Variants in CTNND2 observed in about 807,000 individuals in gnomAD.
CTNND2 encodes the protein catenin delta 2.
In CTNND2, 22 loss-of-function variants were observed where a neutral mutation model predicts 144.4. That is an observed-to-expected ratio of 0.15 (90% CI 0.11 to 0.22). The LOEUF (loss-of-function observed/expected upper bound fraction) is 0.22, where lower values mean the gene tolerates loss of function less well. Ranked by LOEUF, CTNND2 falls within the 10% of genes least tolerant of loss-of-function variation. CTNND2 has a pLI of 1.00. For missense variants in CTNND2, 1,353 were observed against 1,618.8 expected (o/e 0.84, Z 2.82); for synonymous variants, 751 against 695.6 (o/e 1.08, Z -1.25).
intron 3 of CTNND2, among the ~76,000 whole-genome samples, 193 bp downstream of exon 3, chr5:11,564,751 T>G (rs1776940254): frequency 6.6e-6 from 1 of 152,276 alleles, no homozygotes; most frequent in Non-Finnish European, 1.5e-5. Flanking sequence ...TTAATTTTGT[T>G]AAAAGAGTTT....
At chr5:11,558,022 G>A (rs190194893) in intron 3 of CTNND2, among the ~76,000 whole-genome samples, 129 of 152,198 alleles carry the variant, frequency 8.5e-4, no homozygotes, top group African/African-American at 2.9e-3. Context: ...AAAAGACAGA[G>A]GAATTATTTC....
At chr5:11,450,898 CAAAAA>C in intron 3 of CTNND2, among the ~76,000 whole-genome samples, 1 of 81,492 alleles carries the variant, frequency 1.2e-5, no homozygotes, top group African/African-American at 5.2e-5. Flanking sequence ...AACTCCATCT[CAAAAA>C]AAAAAAAAAA....
Position 11,016,778 on chromosome 5 carries a change from T to TA in CTNND2, c.3084+1195_3084+1196insT, listed in dbSNP as rs1438072964. On this transcript the variant is annotated intron_variant, in intron 18 of 21. Transcript: ENST00000304623. ...GGTGATGTCCTCTATCCCCTATATA[T>TA]TTTTTTTTTTGAGATGGAGTCTCGC... Among the ~76,000 whole-genome samples the TA allele has an allele frequency of 5.9e-4, 85 of 145,118 alleles. 1 individual carries two copies. The highest frequency in any genetic ancestry group is 5.0e-4 in the African/African-American group (19 of 37,948).
chr5:11,808,289 G>A (rs1792122460), intron 1 of CTNND2, among the ~76,000 whole-genome samples: 1 of 152,088 alleles, frequency 6.6e-6, no homozygotes, highest in South Asian at 2.1e-4. Context: ...TGCAGATGAC[G>A]GTCGAGGAGC....
At chr5:11,492,333 G>A (rs1009124020) in intron 3 of CTNND2, among the ~76,000 whole-genome samples, 1 of 152,158 alleles carries the variant, frequency 6.6e-6, no homozygotes, top group Non-Finnish European at 1.5e-5. Context: ...TTCATTTCCT[G>A]AGGTCTTGGT....
At chr5:11,367,342 A>T (rs980910693) in intron 7 of CTNND2, among the ~76,000 whole-genome samples, 1 of 152,202 alleles carries the variant, frequency 6.6e-6, no homozygotes, top group Non-Finnish European at 1.5e-5. Flanking sequence ...GCTGGAATTC[A>T]TGTGTTCAAC....
intron 6 of CTNND2, among the ~76,000 whole-genome samples, chr5:11,387,602 C>T (rs900743113): frequency 1.3e-5 from 2 of 152,046 alleles, no homozygotes; most frequent in Non-Finnish European, 2.9e-5. Context: ...GAAAAGCATC[C>T]GACAAAAATT....
At chr5:10,975,216 A>T (rs1274316159) in intron 21 of CTNND2, among the ~76,000 whole-genome samples, 1 of 151,924 alleles carries the variant, frequency 6.6e-6, no homozygotes, top group Non-Finnish European at 1.5e-5. Context: ...GTGCTGCTGA[A>T]CTCCACTCCA....
intron 1 of CTNND2, among the ~76,000 whole-genome samples, chr5:11,737,375 T>C (rs992112892): frequency 1.2e-4 from 18 of 152,192 alleles, no homozygotes; most frequent in African/African-American, 4.1e-4. Context: ...TTGAAGTGGT[T>C]ACCATGTAAG....
chr5:11,375,894 C>G (rs1242261714), intron 7 of CTNND2, among the ~76,000 whole-genome samples: 4 of 152,160 alleles, frequency 2.6e-5, no homozygotes, highest in Admixed American at 2.0e-4. Context: ...GAACTGACTA[C>G]TAGGGTCTAA....
At chr5:11,659,978 T>C (rs920232902) in intron 2 of CTNND2, among the ~76,000 whole-genome samples, 2 of 152,176 alleles carry the variant, frequency 1.3e-5, no homozygotes, top group African/African-American at 4.8e-5. Flanking sequence ...GAATATTGGA[T>C]ACTTATCCTG....
rs561982792 is a variant in CTNND2 at position 11,540,838 on chromosome 5, G to A, written c.287+24106C>T. ...ATCCACCTGATAATGGAAATAATAA[G>A]GGTTTATACTTACCTCTAGTATGAG... On this transcript the variant is annotated intron_variant, in intron 3 of 21. Coordinates refer to ENST00000304623, the MANE Select transcript of CTNND2 (RefSeq NM_001332.4). 1.1e-3 allele frequency among the ~76,000 whole-genome samples: 165 copies of A among 152,234 alleles called. 2 individuals are homozygous for A. In the South Asian group the frequency reaches 0.024, roughly 22 times the overall value.
At chr5:11,230,424 T>C (rs985821799) in intron 10 of CTNND2, among the ~76,000 whole-genome samples, 3 of 152,144 alleles carry the variant, frequency 2.0e-5, no homozygotes, top group Non-Finnish European at 4.4e-5. Flanking sequence ...AAGATGCTTA[T>C]AGTCCATACA....
chr5:11,561,745 T>C (rs1380356692), intron 3 of CTNND2, among the ~76,000 whole-genome samples: 1 of 152,170 alleles, frequency 6.6e-6, no homozygotes, highest in Non-Finnish European at 1.5e-5. Flanking sequence ...TGTGACTACC[T>C]GAAAAGAGAT....
At chr5:11,657,904 T>C (rs926618765) in intron 2 of CTNND2, among the ~76,000 whole-genome samples, 2 of 152,126 alleles carry the variant, frequency 1.3e-5, no homozygotes, top group Non-Finnish European at 2.9e-5. Context: ...CAATGCTTCA[T>C]ATTTTGAATG....
At chr5:11,160,286 G>A (rs1036409157) in intron 11 of CTNND2, among the ~76,000 whole-genome samples, 1 of 152,172 alleles carries the variant, frequency 6.6e-6, no homozygotes. Context: ...AATTTAAACT[G>A]TTGCCCCTTG....
intron 11 of CTNND2, among the ~76,000 whole-genome samples, chr5:11,186,481 C>A (rs530790727): frequency 3.9e-4 from 59 of 152,282 alleles, no homozygotes; most frequent in African/African-American, 1.3e-3. Context: ...TATGAGGTAA[C>A]CTCAAATTCA....
At chr5:11,002,986 C>G (rs747413607) in intron 18 of CTNND2, among the ~76,000 whole-genome samples, 9 of 152,156 alleles carry the variant, frequency 5.9e-5, no homozygotes, top group Non-Finnish European at 1.3e-4. Flanking sequence ...GACTAGGACA[C>G]TGTTGGCCTA....
chr5:11,717,835 C>CT (rs1286640102), intron 2 of CTNND2, among the ~76,000 whole-genome samples: 2 of 152,152 alleles, frequency 1.3e-5, no homozygotes, highest in Admixed American at 1.3e-4. Context: ...ATTCAGTTAT[C>CT]TCCACCTGGC....
Sources: gnomAD v4.1 joint callset for allele counts (sites outside exome capture counted in the v4.1 genomes callset) on GRCh38, gnomAD v4.1.1 for gene constraint, MANE v1.5 for transcripts, NCBI Gene and HGNC (gene_info 2026-07-23, HGNC 2026-07-21) for gene names.